Variants in ADCY2 observed in about 807,000 individuals in gnomAD.
ADCY2 encodes the protein adenylate cyclase 2.
Under a neutral mutation model 125.2 loss-of-function variants are expected in ADCY2, and 31 were observed. The observed-to-expected ratio is 0.25, with a 90% CI of 0.19 to 0.33. The LOEUF (loss-of-function observed/expected upper bound fraction) is 0.33. Ranked by LOEUF, ADCY2 falls within the 10% of genes least tolerant of loss-of-function variation. The pLI is 1.00. For missense variants in ADCY2, 904 were observed against 1,418.2 expected, an observed-to-expected ratio of 0.64 and a Z score of 5.82; for synonymous variants, 512 against 548.4, an observed-to-expected ratio of 0.93 and a Z score of 0.93.
Position 7,626,178 on chromosome 5 carries a change from T to C in ADCY2, c.582T>C (p.Asn194=). 3 of 1,613,844 alleles carry C rather than the reference T, an allele frequency of 1.9e-6. No individual in the cohort carries two copies. Among genetic ancestry groups the C allele is most frequent in the Non-Finnish European group, 2.5e-6 (3 of 1,179,910 alleles). The part of the protein sequence containing the change: ...KEHLVWQILA[N]VIIFICGNLA... Reference sequence around the variant, plus strand: ...TTCTGTCTCTTTAGATCCTGGCCAATGTGATCATTTTCATCTGTGGGAACC... The same window carrying C: ...TTCTGTCTCTTTAGATCCTGGCCAACGTGATCATTTTCATCTGTGGGAACC... The change falls in exon 4 of 25, where the codon AAT becomes AAC. Residue 194 remains asparagine, a synonymous_variant. Coordinates refer to ENST00000338316, the MANE Select transcript of ADCY2 (RefSeq NM_020546.3).
intron 3 of ADCY2, among the ~76,000 whole-genome samples, chr5:7,614,578 G>A (rs1488545663): frequency 6.6e-6 from 1 of 152,184 alleles, no homozygotes; most frequent in Non-Finnish European, 1.5e-5. Flanking sequence ...AACTTGGGGT[G>A]GGTGGTCCCT....
chr5:7,610,828 A>G (rs2126643601), intron 3 of ADCY2, among the ~76,000 whole-genome samples: 1 of 152,346 alleles, frequency 6.6e-6, no homozygotes, highest in South Asian at 2.1e-4. Flanking sequence ...GGAGTTAAAA[A>G]GTGCTTTTCT....
chr5:7,683,663 G>T (rs1740413008), intron 4 of ADCY2, among the ~76,000 whole-genome samples: 1 of 152,156 alleles, frequency 6.6e-6, no homozygotes, highest in Admixed American at 6.5e-5. Flanking sequence ...TGCCTCCCAG[G>T]GGGGCATGGG....
rs149051578 is a variant in ADCY2 at position 7,584,543 on chromosome 5, GT to G, written c.571-41621del. 3.5e-3 allele frequency among the ~76,000 whole-genome samples: 537 copies of G among 152,262 alleles called. 3 individuals are homozygous for G. Among genetic ancestry groups the G allele is most frequent in the African/African-American group, 0.012 (502 of 41,566 alleles). On this transcript the variant is annotated intron_variant, in intron 3 of 24. Transcript: ENST00000338316. The stretch of plus-strand genomic sequence containing the variant: ...AGAAAGTATAGACACGTATCACTAT[GT>G]TTGGAGATTGTGTGCACCCAGCTTT...
intron 2 of ADCY2, among the ~76,000 whole-genome samples, chr5:7,495,445 G>A (rs541934159): frequency 6.6e-6 from 1 of 152,128 alleles, no homozygotes; most frequent in Non-Finnish European, 1.5e-5. Flanking sequence ...AGCATAAAAC[G>A]GGATATTATT....
At position 7,743,998 on chromosome 5, in the gene ADCY2, TCTTG is replaced by T. The variant is rs746708893; in HGVS notation, c.1956+250_1956+253del. ...TTCGATGTCACATCAGAAGTTGCATTCTTGCTTATTTGGTGTCAATATATTTTTA... is the reference window on the plus strand; with the variant it reads ...TTCGATGTCACATCAGAAGTTGCATTCTTATTTGGTGTCAATATATTTTTA... On this transcript the variant is annotated intron_variant, in intron 15 of 24. Coordinates refer to ENST00000338316, the MANE Select transcript of ADCY2 (RefSeq NM_020546.3). 5.5e-4 allele frequency among the ~76,000 whole-genome samples: 84 copies of T among 152,312 alleles called. No individual in the cohort carries two copies. The Middle Eastern group carries it at 0.01, about 19-fold the overall frequency.
At chr5:7,575,982 T>C (rs1167249911) in intron 3 of ADCY2, among the ~76,000 whole-genome samples, 1 of 152,176 alleles carries the variant, frequency 6.6e-6, no homozygotes, top group Non-Finnish European at 1.5e-5. Context: ...CTGGAGATAC[T>C]TCTTTTCTAT....
chr5:7,754,400 A>G (rs1187979216), intron 15 of ADCY2, among the ~76,000 whole-genome samples: 3 of 152,184 alleles, frequency 2.0e-5, no homozygotes, highest in Admixed American at 6.5e-5. Flanking sequence ...TTTCCCCTGA[A>G]GTAATAAACT....
intron 18 of ADCY2, among the ~76,000 whole-genome samples, chr5:7,779,824 A>C (rs1224866632): frequency 2.0e-5 from 3 of 152,166 alleles, no homozygotes; most frequent in Non-Finnish European, 4.4e-5. Flanking sequence ...CAGAGAGGAG[A>C]GAATGCCCAG....
chr5:7,502,304 A>G (rs928500977), intron 2 of ADCY2, among the ~76,000 whole-genome samples: 1 of 152,050 alleles, frequency 6.6e-6, no homozygotes, highest in Non-Finnish European at 1.5e-5. Flanking sequence ...GCTGTTCCCC[A>G]CCGAGCCCCA....
intron 4 of ADCY2, among the ~76,000 whole-genome samples, chr5:7,674,424 G>A (rs960050729): frequency 7.2e-5 from 11 of 152,146 alleles, no homozygotes; most frequent in Non-Finnish European, 1.2e-4. Flanking sequence ...GTTTGGTTAC[G>A]CGCCATTTCG....
At chr5:7,424,492 C>G (rs1023851971) in intron 2 of ADCY2, among the ~76,000 whole-genome samples, 2 of 152,216 alleles carry the variant, frequency 1.3e-5, no homozygotes, top group Non-Finnish European at 2.9e-5. Context: ...CTAGGGTGTC[C>G]CCCTCCTGTT....
intron 4 of ADCY2, among the ~76,000 whole-genome samples, chr5:7,643,621 G>A (rs1391368380): frequency 5.3e-5 from 8 of 150,344 alleles, no homozygotes; most frequent in Admixed American, 5.3e-4. Context: ...TTTTTTTCTA[G>A]CTTCTTTAAA....
chr5:7,705,565 C>A lies in ADCY2; in HGVS notation c.1110-1179C>A, dbSNP rs76073022. ...TAAGCAGAGTCCGGAGGTGGGGACA[C>A]CCCGGTGCTGGGTGCTTGCACAGCC... On this transcript the variant is annotated intron_variant, in intron 7 of 24. Coordinates refer to ENST00000338316, the MANE Select transcript of ADCY2 (RefSeq NM_020546.3). 6.6e-5 allele frequency among the ~76,000 whole-genome samples: 10 copies of A among 152,192 alleles called. No individual in the cohort carries two copies. The East Asian group carries it at 2.0e-3, about 30-fold the overall frequency.
At chr5:7,702,558 T>C (rs1741123622) in intron 7 of ADCY2, among the ~76,000 whole-genome samples, 1 of 152,188 alleles carries the variant, frequency 6.6e-6, no homozygotes, top group African/African-American at 2.4e-5. Context: ...GGACATGAAC[T>C]CATCCTTTTT....
At chr5:7,433,663 AT>A (rs1740690971) in intron 2 of ADCY2, among the ~76,000 whole-genome samples, 1 of 152,296 alleles carries the variant, frequency 6.6e-6, no homozygotes, top group African/African-American at 2.4e-5. Flanking sequence ...AGAAAAAAAA[AT>A]GGAAGATTTA....
At chr5:7,755,618 G>A (rs979869997) in intron 15 of ADCY2, among the ~76,000 whole-genome samples, 5 of 152,126 alleles carry the variant, frequency 3.3e-5, no homozygotes, top group Non-Finnish European at 7.4e-5. Context: ...GAGGAGGCAG[G>A]TACTGTTATT....
At chr5:7,613,258 T>C (rs1365852016) in intron 3 of ADCY2, among the ~76,000 whole-genome samples, 1 of 151,864 alleles carries the variant, frequency 6.6e-6, no homozygotes, top group Admixed American at 6.6e-5. Context: ...AAACCAGAGA[T>C]GGAGAAGGCA....
intron 2 of ADCY2, among the ~76,000 whole-genome samples, chr5:7,474,360 T>G (rs1278867991): frequency 1.3e-5 from 2 of 152,014 alleles, no homozygotes; most frequent in Non-Finnish European, 2.9e-5. Flanking sequence ...AAAGCAATAA[T>G]GCAATGAAGG....
Sources: gnomAD v4.1 joint callset for allele counts (sites outside exome capture counted in the v4.1 genomes callset) on GRCh38, gnomAD v4.1.1 for gene constraint, MANE v1.5 for transcripts, NCBI Gene and HGNC (gene_info 2026-07-23, HGNC 2026-07-21) for gene names.